Variants in ENPP3 observed in about 807,000 individuals in gnomAD.
The protein encoded by ENPP3 is ectonucleotide pyrophosphatase/phosphodiesterase 3, also known as ectonucleotide pyrophosphatase/phosphodiesterase family member 3.
Under a neutral mutation model 117.8 loss-of-function variants are expected in ENPP3, and 104 were observed. The observed-to-expected ratio is 0.88, with a 90% CI of 0.75 to 1.04. The LOEUF (loss-of-function observed/expected upper bound fraction) is 1.04. Ranked by LOEUF, ENPP3 falls within the 50% of genes least tolerant of loss-of-function variation. The pLI is 0.00. For missense variants in ENPP3, 1,026 were observed against 1,051.9 expected, an observed-to-expected ratio of 0.98 and a Z score of 0.34; for synonymous variants, 380 against 349.9, an observed-to-expected ratio of 1.09 and a Z score of -0.96.
At chr6:131,701,498 T>C (rs1779529952) in intron 15 of ENPP3, 1 of 598,246 alleles carries the variant, frequency 1.7e-6, no homozygotes, top group Non-Finnish European at 3.0e-6. Flanking sequence ...TTTGGTGAAG[T>C]AGAAAAGTGT....
At position 131,733,704 on chromosome 6, in the gene ENPP3, C is replaced by A. The variant is rs568440389; in HGVS notation, c.2070C>A (p.His690Gln). The change falls in exon 21 of 25, where the codon CAC (histidine) becomes CAA (glutamine). Residue 690 changes from histidine (H) to glutamine (Q), a missense_variant. Transcript: ENST00000357639. ...SFYLADKNIT[H>Q]GFLYPPASNR... ...ATTTAGCAGACAAGAATATCACCCACGGCTTCCTCTATCCTCCTGGTTAGT... is the reference window on the plus strand; with the variant it reads ...ATTTAGCAGACAAGAATATCACCCAAGGCTTCCTCTATCCTCCTGGTTAGT... The A allele has an allele frequency of 6.2e-7, 1 of 1,614,060 alleles. No individual in the cohort carries two copies. The highest frequency in any genetic ancestry group is 2.2e-5 in the East Asian group (1 of 44,876).
intron 20 of ENPP3, among the ~76,000 whole-genome samples, chr6:131,729,978 G>A (rs1423259640): frequency 6.6e-6 from 1 of 151,958 alleles, no homozygotes; most frequent in Non-Finnish European, 1.5e-5. Context: ...AGTTGTTTAA[G>A]CACAACTTTT....
In ENPP3 at chr6:131,668,071, C is replaced by T. The variant is rs186099292; in HGVS notation, c.563-3177C>T. ...TAAAATGAAAGTACCTATTTTCAGC[C>T]TGTGAATACTGGTAAACAGTTTGCT... On this transcript the variant is annotated intron_variant, in intron 6 of 24. Coordinates refer to ENST00000357639, the MANE Select transcript of ENPP3 (RefSeq NM_005021.5). Among the ~76,000 whole-genome samples, 620 of 152,166 alleles carry T rather than the reference C, an allele frequency of 4.1e-3. 1 individual carries two copies. Among genetic ancestry groups the T allele is most frequent in the Middle Eastern group, 6.8e-3 (2 of 294 alleles).
At chr6:131,649,432 T>C (rs954738655) in intron 2 of ENPP3, among the ~76,000 whole-genome samples, 1 of 152,174 alleles carries the variant, frequency 6.6e-6, no homozygotes, top group Admixed American at 6.5e-5. Context: ...ATGCCTTCCT[T>C]AGCTTCACTG....
intron 6 of ENPP3, among the ~76,000 whole-genome samples, chr6:131,667,481 A>C (rs1778641797): frequency 6.6e-6 from 1 of 152,182 alleles, no homozygotes; most frequent in Non-Finnish European, 1.5e-5. Context: ...TTTGTAGCAC[A>C]CAGGGGACTA....
At chr6:131,649,468 A>G (rs1213893524) in intron 2 of ENPP3, among the ~76,000 whole-genome samples, 1 of 152,040 alleles carries the variant, frequency 6.6e-6, no homozygotes, top group Non-Finnish European at 1.5e-5. Context: ...ATCCTTTCCC[A>G]AGACTCAATG....
intron 19 of ENPP3, among the ~76,000 whole-genome samples, chr6:131,725,489 G>C (rs557840695): frequency 6.6e-6 from 1 of 152,036 alleles, no homozygotes; most frequent in Admixed American, 6.6e-5. Context: ...CCTGCTCATG[G>C]GGGTCTTATA....
At chr6:131,650,897 C>A (rs1035851100) in intron 3 of ENPP3, among the ~76,000 whole-genome samples, 1 of 152,012 alleles carries the variant, frequency 6.6e-6, no homozygotes. Context: ...ACCCTAATGA[C>A]CTCATTTTAC....
Position 131,637,442 on chromosome 6 carries a change from A to G in ENPP3, c.58A>G (p.Lys20Glu). ...EQPVKKNTLK[K>E]YKIACIVLLA... is the part of the protein sequence containing the mutation. ...ACCTGTTAAGAAGAACACTCTTAAG[A>G]AATATAAAATAGCTTGCATTGTAAG... The change falls in exon 1 of 25, where the codon AAA (lysine) becomes GAA (glutamate). Residue 20 changes from lysine (K) to glutamate (E), a missense_variant. Physicochemically the swap from Lys to Glu is moderately conservative, Grantham distance 56 (BLOSUM62 1). Transcript: ENST00000357639. 2 of 1,581,030 alleles carry G rather than the reference A, an allele frequency of 1.3e-6. No homozygotes were observed. Among genetic ancestry groups the G allele is most frequent in the South Asian group, 1.2e-5 (1 of 86,446 alleles).
At chr6:131,685,837 C>G (rs1392049160) in intron 13 of ENPP3, 39 bp from the exon 14 acceptor site, 2 of 815,480 alleles carry the variant, frequency 2.5e-6, no homozygotes, top group African/African-American at 3.4e-5. Context: ...TGTTCGTTAT[C>G]AATTGTAATG....
intron 16 of ENPP3, 115 bp from the exon 17 acceptor site, chr6:131,720,177 C>G: frequency 1.7e-6 from 1 of 582,004 alleles, no homozygotes; most frequent in South Asian, 2.7e-5. Context: ...AAATTCCTTA[C>G]AGAGGCCTAA....
chr6:131,701,235 G>C (rs1377351742), intron 15 of ENPP3: 2 of 1,368,362 alleles, frequency 1.5e-6, no homozygotes, highest in South Asian at 2.4e-5. Context: ...GTACATGGGG[G>C]CGTGCAGTCT....
chr6:131,722,593 A>G (rs1228896133), intron 18 of ENPP3, among the ~76,000 whole-genome samples, 188 bp downstream of exon 18: 2 of 152,218 alleles, frequency 1.3e-5, no homozygotes, highest in African/African-American at 4.8e-5. Flanking sequence ...TGTAAGATTA[A>G]GTAGGGAAAT....
At chr6:131,733,855 T>C in intron 21 of ENPP3, 132 bp downstream of exon 21, 3 of 872,812 alleles carry the variant, frequency 3.4e-6, no homozygotes, top group Non-Finnish European at 3.5e-6. Context: ...AGGCTTCCAG[T>C]GGTTGTGGCT....
chr6:131,645,182 C>T (rs1585611011), intron 2 of ENPP3, among the ~76,000 whole-genome samples: 1 of 152,298 alleles, frequency 6.6e-6, no homozygotes, highest in East Asian at 1.9e-4. Flanking sequence ...ACTGCAGGTT[C>T]CCTTATAAAC....
chr6:131,715,485 G>A (rs535038753), intron 15 of ENPP3, among the ~76,000 whole-genome samples: 59 of 135,684 alleles, frequency 4.3e-4, no homozygotes, highest in African/African-American at 1.9e-3. Flanking sequence ...GAGCTGCTCC[G>A]TTCTTCTGGT....
intron 6 of ENPP3, among the ~76,000 whole-genome samples, chr6:131,667,908 T>C (rs1778651218): frequency 6.6e-6 from 1 of 152,224 alleles, no homozygotes; most frequent in African/African-American, 2.4e-5. Flanking sequence ...TGCCAAGGGA[T>C]TGAATGCATA....
chr6:131,640,724 C>A (rs1778023586), intron 1 of ENPP3, among the ~76,000 whole-genome samples: 1 of 151,996 alleles, frequency 6.6e-6, no homozygotes, highest in Admixed American at 6.6e-5. Flanking sequence ...GTATTCAAGC[C>A]CTGTCATCCA....
intron 23 of ENPP3, among the ~76,000 whole-genome samples, chr6:131,738,602 A>C (rs963022424): frequency 2.0e-5 from 3 of 152,182 alleles, no homozygotes; most frequent in Admixed American, 1.3e-4. Flanking sequence ...TGAACAGTTC[A>C]TAAAAGCACT....
Sources: allele counts gnomAD v4.1 joint callset (sites outside exome capture counted in the v4.1 genomes callset), GRCh38; gene constraint gnomAD v4.1.1; transcripts MANE v1.5; gene names NCBI Gene and HGNC (gene_info 2026-07-23, HGNC 2026-07-21).